The following BAHCC1 variants were observed in gnomAD, a reference collection of about 807,000 sequenced individuals.
The protein encoded by BAHCC1 is BAH and coiled-coil domain-containing protein 1.
BAHCC1 carries 43 observed loss-of-function variants against 88.2 expected under a neutral mutation model. The observed-to-expected ratio is 0.49, with a 90% CI of 0.38 to 0.63. The LOEUF (loss-of-function observed/expected upper bound fraction) is 0.63. Ranked by LOEUF, BAHCC1 falls within the 20% of genes least tolerant of loss-of-function variation. The probability of loss-of-function intolerance (pLI) is 0.00; values close to 1 mark genes in which losing one functional copy is unlikely to be tolerated. For synonymous variants in BAHCC1, 1,510 were observed against 745.5 expected, an observed-to-expected ratio of 2.03 and a Z score of -16.71; for missense variants, 3,023 against 1,654.8, an observed-to-expected ratio of 1.83 and a Z score of -14.34.
At chr17:81,430,275 G>C (rs2064245695) in intron 3 of BAHCC1, among the ~76,000 whole-genome samples, 3 of 152,026 alleles carry the variant, frequency 2.0e-5, no homozygotes, top group Admixed American at 6.5e-5. Flanking sequence ...AGAGGATTCT[G>C]TTCCTGGGGG....
intron 21 of BAHCC1, 23 bp from the exon 22 acceptor site, chr17:81,459,230 C>T (rs782035376): frequency 6.4e-6 from 5 of 777,210 alleles, no homozygotes; most frequent in Non-Finnish European, 9.6e-6. Flanking sequence ...CCCGTGGCAC[C>T]TCACATTCCC....
chr17:81,444,432 C>A lies in BAHCC1; in HGVS notation c.2376C>A (p.Cys792Ter). Reference protein sequence around the residue: ...EFARIHPPSSCPGDLAPHLMM... With the variant: ...EFARIHPPSS The stretch of plus-strand genomic sequence containing the variant: ...CCCGGATCCACCCACCGAGCAGCTG[C>A]CCTGGGGACCTGGCCCCCCACCTCA... The change falls in exon 7 of 28, where the codon TGC becomes TGA. Residue 792 changes from cysteine (C) to a stop codon, truncating the protein, a stop_gained. Coordinates refer to ENST00000675386, the MANE Select transcript of BAHCC1 (RefSeq NM_001377448.1). LOFTEE classifies it high-confidence loss of function. 1 of 747,272 alleles carries A rather than the reference C, an allele frequency of 1.3e-6. No homozygotes were observed. Among genetic ancestry groups the A allele is most frequent in the Non-Finnish European group, 2.5e-6 (1 of 403,090 alleles). The allele number at this position is 747,272 out of a possible 1,614,324, so 46.3% of individuals were successfully genotyped here.
chr17:81,450,918 G>T (rs2064620865), intron 11 of BAHCC1, among the ~76,000 whole-genome samples: 1 of 152,166 alleles, frequency 6.6e-6, no homozygotes, highest in Non-Finnish European at 1.5e-5. Context: ...AAATTTAAAG[G>T]TATCGAGGGG....
chr17:81,418,810 C>CGCGCATGTGTGTGT (rs71302047), intron 2 of BAHCC1, among the ~76,000 whole-genome samples: 6 of 146,332 alleles, frequency 4.1e-5, no homozygotes, highest in Non-Finnish European at 7.5e-5. Context: ...TGTGTGTGTA[C>CGCGCATGTGTGTGT]GTGTGTGTGT....
Position 81,434,073 on chromosome 17 carries a change from G to A in BAHCC1, c.359-4297G>A. Among the ~76,000 whole-genome samples, 1 of 152,178 alleles carries A rather than the reference G, an allele frequency of 6.6e-6. No homozygotes were observed. Among genetic ancestry groups the A allele is most frequent in the East Asian group, 1.9e-4 (1 of 5,198 alleles). On this transcript the variant is annotated intron_variant, in intron 3 of 27. Coordinates refer to ENST00000675386, the MANE Select transcript of BAHCC1 (RefSeq NM_001377448.1). The surrounding 1 kb of genome is among the most constrained non-coding windows in gnomAD (Gnocchi z 4.9). ...ACTTGCCAGGCCAGGGGTCTCCCGGGACTCCCCTGGGGTCACTGTGGGGGG... is the reference window on the plus strand; with the variant it reads ...ACTTGCCAGGCCAGGGGTCTCCCGGAACTCCCCTGGGGTCACTGTGGGGGG...
At chr17:81,427,574 G>A (rs1036667848) in intron 3 of BAHCC1, among the ~76,000 whole-genome samples, 3 of 152,116 alleles carry the variant, frequency 2.0e-5, no homozygotes, top group African/African-American at 2.4e-5. Flanking sequence ...TGGCCTTTCC[G>A]TGGCAGGGCA....
At position 81,395,652 on chromosome 17, in the gene BAHCC1, GCTTT is replaced by G. The variant is rs2063739138; in HGVS notation, c.-207+19_-207+22del. The G allele has an allele frequency of 4.2e-5, 4 of 95,168 alleles. No individual in the cohort carries two copies. Among genetic ancestry groups the G allele is most frequent in the Admixed American group, 2.9e-4 (3 of 10,364 alleles). The allele number at this position is 95,168 out of a possible 1,614,324, so 5.9% of individuals were successfully genotyped here. A position where few individuals can be genotyped will look rare whatever the true frequency, so the allele number is the denominator to read the frequency against. ...CAGCCTCCAGTAAGTAACTGAAATTGCTTTCATTTTTTTTTTGTTTTTGTATTTT... is the reference window on the plus strand; with the variant it reads ...CAGCCTCCAGTAAGTAACTGAAATTGCATTTTTTTTTTGTTTTTGTATTTT... On this transcript the variant is annotated intron_variant, in intron 1 of 27. Coordinates refer to ENST00000675386, the MANE Select transcript of BAHCC1 (RefSeq NM_001377448.1).
intron 4 of BAHCC1, among the ~76,000 whole-genome samples, chr17:81,441,200 GGTGA>G (rs1399559824): frequency 9.2e-5 from 14 of 152,196 alleles, no homozygotes; most frequent in Non-Finnish European, 1.3e-4. Flanking sequence ...GGGGGCAGAG[GGTGA>G]GTGTTTCACG....
chr17:81,451,625 G>A, intron 11 of BAHCC1, 43 bp from the exon 12 acceptor site: 1 of 749,462 alleles, frequency 1.3e-6, no homozygotes, highest in Non-Finnish European at 2.5e-6. Flanking sequence ...GAGGGGCAGT[G>A]TGTGCCCAGT....
rs1339202826 is a variant in BAHCC1 at position 81,434,301 on chromosome 17, C to T, written c.359-4069C>T. 1.3e-5 allele frequency among the ~76,000 whole-genome samples: 2 copies of T among 152,158 alleles called. No individual in the cohort carries two copies. The highest frequency in any genetic ancestry group is 2.4e-5 in the African/African-American group (1 of 41,432). ...CCAGCTGACTGCATGACCCACTGCC[C>T]GCCCAGCCAGGCGCATGTGGGAGCC... On this transcript the variant is annotated intron_variant, in intron 3 of 27. Coordinates refer to ENST00000675386, the MANE Select transcript of BAHCC1 (RefSeq NM_001377448.1). This position sits in a 1 kb window ranked among gnomAD's most constrained non-coding sequence, Gnocchi z 4.9.
rs782268809 is a variant in BAHCC1, at chr17:81,461,664, C to G, written c.7001C>G (p.Thr2334Ser). Residue 2334 changes from threonine to serine, a missense_variant, in exon 26 of 28, where the codon ACC (threonine) becomes AGC (serine). Coordinates refer to ENST00000675386, the MANE Select transcript of BAHCC1 (RefSeq NM_001377448.1). ...TCCTCCTCCTCAGGCTCCGTGTCCA[C>G]CTCCAGCCTCTGCTCCTCCGACAAC... ...STSSSSGSVSTSSLCSSDNED... is the reference protein window; with the variant it reads ...STSSSSGSVSSSSLCSSDNED... The G allele has an allele frequency of 4.1e-6, 3 of 730,726 alleles. No individual in the cohort carries two copies. The highest frequency in any genetic ancestry group is 7.6e-6 in the Non-Finnish European group (3 of 392,488). The allele number at this position is 730,726 out of a possible 1,614,324, so 45.3% of individuals were successfully genotyped here. A position where few individuals can be genotyped will look rare whatever the true frequency, so the allele number is the denominator to read the frequency against.
intron 24 of BAHCC1, 41 bp downstream of exon 24, chr17:81,460,437 T>A: frequency 2.7e-6 from 2 of 735,012 alleles, no homozygotes; most frequent in South Asian, 2.9e-5. Context: ...CTGCCTGGGC[T>A]CCACTGTGTC....
At chr17:81,458,569 C>T (rs2029945518) in intron 18 of BAHCC1, 52 bp from the exon 19 acceptor site, 3 of 699,402 alleles carry the variant, frequency 4.3e-6, no homozygotes, top group Non-Finnish European at 5.3e-6. Flanking sequence ...CTGGGTCAAC[C>T]TGAGGCTGTC....
At chr17:81,444,295 G>A (rs1452090275) in intron 6 of BAHCC1, 86 bp from the exon 7 acceptor site, 13 of 671,510 alleles carry the variant, frequency 1.9e-5, no homozygotes, top group Non-Finnish European at 3.2e-5. Context: ...TGAGCCCCAG[G>A]TCTTACAGAG....
At chr17:81,398,286 C>T (rs919287609) in intron 1 of BAHCC1, among the ~76,000 whole-genome samples, 1 of 152,204 alleles carries the variant, frequency 6.6e-6, no homozygotes, top group Non-Finnish European at 1.5e-5. Context: ...TCCGACCCTC[C>T]GCACCCAGAG....
chr17:81,459,439 C>CA, intron 22 of BAHCC1, 57 bp from the exon 23 acceptor site: 1 of 769,944 alleles, frequency 1.3e-6, no homozygotes, highest in East Asian at 2.4e-5. Flanking sequence ...ACCAGACTCT[C>CA]AGGCAGCCCT....
chr17:81,399,627 C>A lies in BAHCC1; in HGVS notation c.-113C>A. 1.4e-6 allele frequency: 1 copy of A among 702,656 alleles called. No homozygotes were observed. 43.5% of individuals were successfully genotyped at this position (702,656 alleles called of 1,614,324 possible). A position where few individuals can be genotyped will look rare whatever the true frequency, so the allele number is the denominator to read the frequency against. ...GTGCTGACCGGCCCCGCCGCCACCA[C>A]CGCCTGTGACCCCGGACGCCGCCGC... On this transcript the variant is annotated 5_prime_UTR_variant, in exon 2 of 28. Coordinates refer to ENST00000675386, the MANE Select transcript of BAHCC1 (RefSeq NM_001377448.1). This position sits in a 1 kb window ranked among gnomAD's most constrained non-coding sequence, Gnocchi z 4.5.
In BAHCC1 at chr17:81,463,170, C is replaced by A. The variant is rs528195479; in HGVS notation, c.7620+194C>A. ...AGAGCAGGGCTCCCAGGTCCCTCCC[C>A]ACAGTGGGGGGCTGTGGCCCACAGC... On this transcript the variant is annotated intron_variant, in intron 27 of 27. Transcript: ENST00000675386. Among the ~76,000 whole-genome samples the A allele has an allele frequency of 3.3e-5, 5 of 152,268 alleles. No homozygotes were observed. The East Asian group carries it at 9.7e-4, about 30-fold the overall frequency.
chr17:81,462,476 T>C, intron 26 of BAHCC1: 1 of 539,334 alleles, frequency 1.9e-6, no homozygotes, highest in African/African-American at 1.9e-5. Flanking sequence ...GTGAACGTCT[T>C]GTCCACATGT....
Sources: gnomAD v4.1 joint callset for allele counts (sites outside exome capture counted in the v4.1 genomes callset) on GRCh38, gnomAD v4.1.1 for gene constraint, Gnocchi (gnomAD v3.1) non-coding constraint, MANE v1.5 for transcripts, NCBI Gene and HGNC (gene_info 2026-07-23, HGNC 2026-07-21) for gene names.